Variants in CEP97 observed in about 807,000 individuals in gnomAD.
The protein encoded by CEP97 is centrosomal protein of 97 kDa.
In CEP97, 43 loss-of-function variants were observed where a neutral mutation model predicts 73.1. That is an observed-to-expected ratio of 0.59 (90% CI 0.46 to 0.76). The LOEUF (loss-of-function observed/expected upper bound fraction) is 0.76, where lower values mean the gene tolerates loss of function less well. CEP97 is among the 30% of genes least tolerant of loss of function. CEP97 has a pLI of 0.00. For synonymous variants in CEP97, 337 were observed against 370.0 expected (o/e 0.91, Z 1.02); for missense variants, 939 against 1,014.0 (o/e 0.93, Z 1.00).
chr3:101,762,481 G>A lies in CEP97; in HGVS notation c.1818-4G>A. 1 of 1,590,672 alleles carries A rather than the reference G, an allele frequency of 6.3e-7. No individual in the cohort carries two copies. The highest frequency in any genetic ancestry group is 8.6e-7 in the Non-Finnish European group (1 of 1,162,118). ...TGTCAATAATGTGTTTTGAATTATT[G>A]TAGATTACGAAAAGAAAGAGATGAA... On this transcript the variant is annotated splice_region_variant and splice_polypyrimidine_tract_variant and intron_variant, in intron 9 of 10. Coordinates refer to ENST00000341893, the MANE Select transcript of CEP97 (RefSeq NM_024548.4).
intron 3 of CEP97, among the ~76,000 whole-genome samples, chr3:101,728,270 T>A (rs577044898): frequency 6.6e-6 from 1 of 151,724 alleles, no homozygotes; most frequent in South Asian, 2.1e-4. Flanking sequence ...TTGTTTTTTT[T>A]TTTTTTTTGA....
intron 9 of CEP97, among the ~76,000 whole-genome samples, chr3:101,761,598 T>C (rs1227855061): frequency 6.6e-6 from 1 of 152,094 alleles, no homozygotes; most frequent in Non-Finnish European, 1.5e-5. Context: ...GAGAAGCAAT[T>C]TTTGAACCCT....
chr3:101,729,382 T>C (rs1025917796), intron 4 of CEP97, among the ~76,000 whole-genome samples: 3 of 152,116 alleles, frequency 2.0e-5, no homozygotes. Flanking sequence ...AAATTAAGTT[T>C]GAAACTTTTT....
chr3:101,740,556 G>C (rs1161723584), intron 6 of CEP97, among the ~76,000 whole-genome samples: 1 of 152,000 alleles, frequency 6.6e-6, no homozygotes, highest in Non-Finnish European at 1.5e-5. Flanking sequence ...GTAATGTATA[G>C]ATTCAGTGCT....
rs1939071237 is a variant in CEP97, at chr3:101,758,190, C to G, written c.1584C>G (p.Thr528=). Residue 528 remains threonine (T), a synonymous_variant, in exon 9 of 11, where the codon ACC becomes ACG. Coordinates refer to ENST00000341893, the MANE Select transcript of CEP97 (RefSeq NM_024548.4). ...PENTQPENKE[T]ISQATSEKLP... is the part of the protein sequence containing the mutation. ...ATACACAACCAGAAAATAAAGAAAC[C>G]ATATCTCAAGCAACTTCAGAGAAAC... The G allele has an allele frequency of 1.2e-6, 2 of 1,613,892 alleles. No homozygotes were observed. The highest frequency in any genetic ancestry group is 2.7e-5 in the African/African-American group (2 of 74,962).
chr3:101,739,532 A>G (rs1280987502), intron 6 of CEP97, among the ~76,000 whole-genome samples: 1 of 152,192 alleles, frequency 6.6e-6, no homozygotes, highest in African/African-American at 2.4e-5. Flanking sequence ...CAAATCAATA[A>G]ACATAATCCA....
chr3:101,764,652 C>T (rs915651655), intron 10 of CEP97, among the ~76,000 whole-genome samples, 195 bp from the exon 11 acceptor site: 2 of 151,308 alleles, frequency 1.3e-5, no homozygotes, highest in African/African-American at 4.9e-5. Flanking sequence ...GTGGTGGGCA[C>T]CTGGAGTCCT....
chr3:101,754,896 A>ATT (rs370049971), intron 6 of CEP97, among the ~76,000 whole-genome samples: 395 of 139,018 alleles, frequency 2.8e-3, no homozygotes, highest in East Asian at 5.6e-3. Context: ...TTCAGGTTTG[A>ATT]TTTTTTTTTT....
At position 101,763,022 on chromosome 3, in the gene CEP97, T is replaced by C; in HGVS notation, c.1893+462T>C. On this transcript the variant is annotated intron_variant, in intron 10 of 10. Coordinates refer to ENST00000341893, the MANE Select transcript of CEP97 (RefSeq NM_024548.4). The stretch of plus-strand genomic sequence containing the variant: ...TTAGGGACAGTTTAGGCAGTTGGTT[T>C]TACTAGCATTGTATCACATCAAATA... The C allele has an allele frequency of 4.2e-6, 5 of 1,183,872 alleles. No homozygotes were observed. In the South Asian group the frequency reaches 7.7e-5, roughly 18 times the overall value. The allele number at this position is 1,183,872 out of a possible 1,614,324, so 73.3% of individuals were successfully genotyped here.
At chr3:101,757,502 G>A (rs1227293770) in intron 8 of CEP97, 132 bp from the exon 9 acceptor site, 11 of 800,772 alleles carry the variant, frequency 1.4e-5, no homozygotes, top group Admixed American at 3.1e-5. Flanking sequence ...TGATGTTTTC[G>A]GCATATTGGA....
intron 9 of CEP97, among the ~76,000 whole-genome samples, chr3:101,761,938 A>T (rs764861724): frequency 2.0e-5 from 3 of 152,176 alleles, no homozygotes; most frequent in Non-Finnish European, 4.4e-5. Context: ...ATGAGGAATA[A>T]TGGATGGGAG....
At chr3:101,742,674 C>T (rs1380094323) in intron 6 of CEP97, among the ~76,000 whole-genome samples, 2 of 150,656 alleles carry the variant, frequency 1.3e-5, no homozygotes, top group East Asian at 1.9e-4. Context: ...CCATGGCATG[C>T]GTATACCTAT....
At chr3:101,752,728 T>G (rs1279947900) in intron 6 of CEP97, among the ~76,000 whole-genome samples, 3 of 152,208 alleles carry the variant, frequency 2.0e-5, no homozygotes, top group Non-Finnish European at 4.4e-5. Context: ...TTCTCGAGCC[T>G]TGGCTTTCAG....
intron 6 of CEP97, among the ~76,000 whole-genome samples, chr3:101,753,250 TG>T (rs1421869555): frequency 6.6e-6 from 1 of 152,198 alleles, no homozygotes; most frequent in African/African-American, 2.4e-5. Flanking sequence ...ATTGTTCCTC[TG>T]GAAGTTTTGT....
At chr3:101,762,437 G>A (rs772758931) in intron 9 of CEP97, 48 bp from the exon 10 acceptor site, 2 of 1,255,794 alleles carry the variant, frequency 1.6e-6, no homozygotes, top group Admixed American at 3.8e-5. Flanking sequence ...GGAAGTCTGA[G>A]TCAAAGCACC....
chr3:101,729,704 A>G (rs1244704998), intron 4 of CEP97, among the ~76,000 whole-genome samples: 4 of 151,984 alleles, frequency 2.6e-5, no homozygotes, highest in Non-Finnish European at 2.9e-5. Flanking sequence ...AGTAGCTAGG[A>G]CCATAGGCAT....
intron 6 of CEP97, among the ~76,000 whole-genome samples, chr3:101,753,713 C>T (rs1386857773): frequency 3.9e-5 from 6 of 152,112 alleles, no homozygotes; most frequent in African/African-American, 9.7e-5. Context: ...GAGCCAGGTG[C>T]GGGATATAAT....
chr3:101,754,713 T>G (rs955585731), intron 6 of CEP97, among the ~76,000 whole-genome samples: 1 of 152,168 alleles, frequency 6.6e-6, no homozygotes, highest in Non-Finnish European at 1.5e-5. Flanking sequence ...TTCTTTTCTC[T>G]CTCTCTCCCT....
rs1937935939 is a variant in CEP97, at chr3:101,727,539, A to C, written c.343A>C (p.Lys115Gln). ...GCTGAATTTGGCAGGAAATAATCTT[A>C]AGGTGAATGGTTTCTTTTTTGTTTA... ...EWLNLAGNNLKAMEQINSCTA... is the reference protein window; with the variant it reads ...EWLNLAGNNLQAMEQINSCTA... The change falls in exon 3 of 11, where the codon AAG becomes CAG. Residue 115 changes from lysine (K) to glutamine (Q), a missense_variant and splice_region_variant. Transcript: ENST00000341893. The C allele has an allele frequency of 6.2e-7, 1 of 1,602,566 alleles. No individual in the cohort carries two copies. Among genetic ancestry groups the C allele is most frequent in the Non-Finnish European group, 8.5e-7 (1 of 1,174,944 alleles).
Sources: allele counts gnomAD v4.1 joint callset (sites outside exome capture counted in the v4.1 genomes callset), GRCh38; gene constraint gnomAD v4.1.1; transcripts MANE v1.5; gene names NCBI Gene and HGNC (gene_info 2026-07-23, HGNC 2026-07-21).